Variants in SMURF2 observed in about 807,000 individuals in gnomAD.
SMURF2 encodes SMAD specific E3 ubiquitin protein ligase 2.
SMURF2 carries 48 observed loss-of-function variants against 109.6 expected under a neutral mutation model. That is an observed-to-expected ratio of 0.44 (90% CI 0.35 to 0.56). The LOEUF is 0.56. Ranked by LOEUF, SMURF2 falls within the 20% of genes least tolerant of loss-of-function variation. The pLI is 0.01. For synonymous variants in SMURF2, 288 were observed against 317.1 expected (o/e 0.91, Z 0.97); for missense variants, 575 against 909.0 (o/e 0.63, Z 4.72).
Position 64,545,845 on chromosome 17 carries a change from T to C in SMURF2, c.*3A>G, listed in dbSNP as rs1555683053. ...AGAGTCCTGGGTAAATCCTTGAAGC[T>C]TGTCATTCCACAGCAAATCCACATG... On this transcript the variant is annotated 3_prime_UTR_variant, in exon 19 of 19. Coordinates refer to ENST00000262435, the MANE Select transcript of SMURF2 (RefSeq NM_022739.4). 3.2e-6 allele frequency: 5 copies of C among 1,577,806 alleles called. No homozygotes were observed. The highest frequency in any genetic ancestry group is 2.6e-6 in the Non-Finnish European group (3 of 1,147,194).
chr17:64,594,766 C>CCTG, intron 3 of SMURF2, among the ~76,000 whole-genome samples: 1 of 152,230 alleles, frequency 6.6e-6, no homozygotes, highest in South Asian at 2.1e-4. Flanking sequence ...GCAGGCAGAT[C>CCTG]ACCAGAGGAC....
At position 64,545,742 on chromosome 17, in the gene SMURF2, G is replaced by T. The variant is rs575307694; in HGVS notation, c.*106C>A. ...AAAAAAAAAAAAAAAAAGGGGGGGGGGGGGAGTGTTTTCCTGTATTTCAGC... is the reference window on the plus strand; with the variant it reads ...AAAAAAAAAAAAAAAAAGGGGGGGGTGGGGAGTGTTTTCCTGTATTTCAGC... On this transcript the variant is annotated 3_prime_UTR_variant, in exon 19 of 19. Transcript: ENST00000262435. 6.8e-5 allele frequency: 27 copies of T among 397,804 alleles called. No individual in the cohort carries two copies. The highest frequency in any genetic ancestry group is 2.5e-4 in the East Asian group (6 of 24,130). The allele number at this position is 397,804 out of a possible 1,614,324, so 24.6% of individuals were successfully genotyped here.
chr17:64,571,105 G>C (rs1367018136), intron 10 of SMURF2, among the ~76,000 whole-genome samples: 2 of 152,046 alleles, frequency 1.3e-5, no homozygotes, highest in East Asian at 3.9e-4. Flanking sequence ...AAAGTATAAA[G>C]AACAATGCTT....
chr17:64,572,182 T>C (rs1254859655), intron 9 of SMURF2, among the ~76,000 whole-genome samples: 2 of 152,254 alleles, frequency 1.3e-5, no homozygotes, highest in Non-Finnish European at 2.9e-5. Flanking sequence ...CTACATTTTT[T>C]AGTAATTTCC....
Position 64,588,588 on chromosome 17 carries a change from T to C in SMURF2, c.401-2418A>G, listed in dbSNP as rs547755229. ...TACATATTTATGTATATAAAAATACTAGAGGGGAATACAGTTTTTTTTGTT... is the reference window on the plus strand; with the variant it reads ...TACATATTTATGTATATAAAAATACCAGAGGGGAATACAGTTTTTTTTGTT... On this transcript the variant is annotated intron_variant, in intron 5 of 18. Transcript: ENST00000262435. Among the ~76,000 whole-genome samples, 5 of 152,126 alleles carry C rather than the reference T, an allele frequency of 3.3e-5. 1 individual carries two copies. The highest frequency in any genetic ancestry group is 1.2e-4 in the African/African-American group (5 of 41,520).
chr17:64,603,796 T>C (rs907471383), intron 2 of SMURF2, among the ~76,000 whole-genome samples: 22 of 152,102 alleles, frequency 1.4e-4, no homozygotes, highest in Non-Finnish European at 2.6e-4. Flanking sequence ...TTAAAAAAAC[T>C]TTTCTCAACA....
At chr17:64,629,975 C>T (rs545108951) in intron 1 of SMURF2, among the ~76,000 whole-genome samples, 2 of 152,176 alleles carry the variant, frequency 1.3e-5, no homozygotes, top group East Asian at 1.9e-4. Flanking sequence ...CAGTGGCTCA[C>T]GCCTGTAATC....
chr17:64,616,690 A>G (rs1316691804), intron 1 of SMURF2, among the ~76,000 whole-genome samples: 1 of 151,666 alleles, frequency 6.6e-6, no homozygotes, highest in Non-Finnish European at 1.5e-5. Context: ...CTGAGATTCC[A>G]ACTCAAGTAG....
At chr17:64,605,469 T>C (rs1969955806) in intron 2 of SMURF2, among the ~76,000 whole-genome samples, 1 of 151,770 alleles carries the variant, frequency 6.6e-6, no homozygotes, top group Non-Finnish European at 1.5e-5. Context: ...ACACCTGTAA[T>C]CCCAGCACTT....
intron 9 of SMURF2, among the ~76,000 whole-genome samples, chr17:64,577,620 G>A (rs376951307): frequency 9.6e-4 from 145 of 151,430 alleles, no homozygotes; most frequent in African/African-American, 3.3e-3. Flanking sequence ...GAGAGAAATG[G>A]GGTCTTGCTC....
intron 1 of SMURF2, among the ~76,000 whole-genome samples, chr17:64,660,361 C>T (rs115230427): frequency 0.048 from 7,257 of 152,198 alleles, 618 homozygotes; most frequent in African/African-American, 0.17. Context: ...AAGGTTTCCA[C>T]TGACTCCTCC....
intron 1 of SMURF2, among the ~76,000 whole-genome samples, chr17:64,645,498 T>C (rs1466302450): frequency 6.6e-6 from 1 of 152,092 alleles, no homozygotes; most frequent in Non-Finnish European, 1.5e-5. Context: ...GGCTGCAGTG[T>C]GTTATGTTCA....
At chr17:64,603,364 A>AT (rs1250822242) in intron 2 of SMURF2, among the ~76,000 whole-genome samples, 1 of 151,670 alleles carries the variant, frequency 6.6e-6, no homozygotes, top group African/African-American at 2.4e-5. Flanking sequence ...GGCGGATCAC[A>AT]TGAGGTCAGG....
At chr17:64,568,427 A>G (rs1233457785) in intron 10 of SMURF2, among the ~76,000 whole-genome samples, 7 of 152,108 alleles carry the variant, frequency 4.6e-5, no homozygotes, top group African/African-American at 1.7e-4. Flanking sequence ...TAAATAAAGC[A>G]CAACCACCTC....
intron 1 of SMURF2, among the ~76,000 whole-genome samples, chr17:64,628,064 C>A (rs754616363): frequency 2.2e-4 from 34 of 152,224 alleles, no homozygotes; most frequent in Non-Finnish European, 4.8e-4. Context: ...AAGCCACCAA[C>A]ACCTGAGAAC....
intron 1 of SMURF2, among the ~76,000 whole-genome samples, chr17:64,643,327 T>C (rs1371434232): frequency 2.0e-5 from 3 of 152,130 alleles, no homozygotes; most frequent in East Asian, 1.9e-4. Flanking sequence ...CCGGCCTAAA[T>C]TGAATTTTAA....
In SMURF2 at chr17:64,571,969, A is replaced by G; in HGVS notation, c.858-13T>C. 6.3e-7 allele frequency: 1 copy of G among 1,596,964 alleles called. No homozygotes were observed. Among genetic ancestry groups the G allele is most frequent in the Non-Finnish European group, 8.5e-7 (1 of 1,172,482 alleles). On this transcript the variant is annotated splice_polypyrimidine_tract_variant and intron_variant, in intron 9 of 18. Transcript: ENST00000262435. ...GTTGCTAAGATCCCTGCAAAAACAA[A>G]TATAAAATAAAAAATACCTCATTGC... is the stretch of plus-strand genomic sequence containing the variant.
intron 1 of SMURF2, among the ~76,000 whole-genome samples, chr17:64,626,446 T>C (rs1970270224): frequency 1.3e-5 from 2 of 152,008 alleles, no homozygotes; most frequent in African/African-American, 4.8e-5. Context: ...CTAATTAACA[T>C]AGAGCAGGAA....
At chr17:64,645,874 A>G (rs955003434) in intron 1 of SMURF2, among the ~76,000 whole-genome samples, 2 of 152,184 alleles carry the variant, frequency 1.3e-5, no homozygotes, top group Non-Finnish European at 2.9e-5. Context: ...GGTACAACAT[A>G]AATTCTAATC....
Sources: gnomAD v4.1 joint callset for allele counts (sites outside exome capture counted in the v4.1 genomes callset) on GRCh38, gnomAD v4.1.1 for gene constraint, MANE v1.5 for transcripts, NCBI Gene and HGNC (gene_info 2026-07-23, HGNC 2026-07-21) for gene names.